Variants in PCDHGB1 observed in about 807,000 individuals in gnomAD.
PCDHGB1 encodes protocadherin gamma subfamily B, 1, also known as protocadherin gamma-B1.
Under a neutral mutation model 56.6 loss-of-function variants are expected in PCDHGB1, and 34 were observed. The observed-to-expected ratio is 0.60, with a 90% confidence interval of 0.46 to 0.80. PCDHGB1 has a LOEUF of 0.80. Ranked by LOEUF, PCDHGB1 falls within the 30% of genes least tolerant of loss-of-function variation. The pLI, the probability that PCDHGB1 is intolerant of heterozygous loss-of-function variation, is 0.00. For missense variants in PCDHGB1, 1,278 were observed against 1,204.6 expected (o/e 1.06, Z -0.90); for synonymous variants, 561 against 505.9 (o/e 1.11, Z -1.46).
intron 1 of PCDHGB1, among the ~76,000 whole-genome samples, chr5:141,481,293 TC>T (rs2099535148): frequency 6.6e-6 from 1 of 152,174 alleles, no homozygotes; most frequent in South Asian, 2.1e-4. Context: ...ATTTCAGTCA[TC>T]TAAGGGAAAA....
intron 1 of PCDHGB1, chr5:141,389,406 G>A (rs1235613335): frequency 1.9e-6 from 3 of 1,613,632 alleles, no homozygotes; most frequent in South Asian, 2.2e-5. Flanking sequence ...CATAAGCGCG[G>A]AGAGCGGGGT....
chr5:141,491,407 G>A lies in PCDHGB1; in HGVS notation c.2410-3400G>A. ...GAAGTGCCTTCAGGGAAACGCAGAC[G>A]GGGACGGGGGTGGAGGGCAGTGCTG... is the stretch of plus-strand genomic sequence containing the variant. On this transcript the variant is annotated intron_variant, in intron 1 of 3. Transcript: ENST00000523390. The surrounding 1 kb of genome is among the most constrained non-coding windows in gnomAD (Gnocchi z 6.9). The A allele has an allele frequency of 6.2e-7, 1 of 1,614,116 alleles. No individual in the cohort carries two copies. The highest frequency in any genetic ancestry group is 8.5e-7 in the Non-Finnish European group (1 of 1,180,000).
In PCDHGB1 at chr5:141,410,160, C is replaced by T. The variant is rs767993789; in HGVS notation, c.2409+57491C>T. ...GCTGTGCGTGACGGTGGACAGCCGC[C>T]ACTCTCTGCCACCGCCACGCTTCAT... On this transcript the variant is annotated intron_variant, in intron 1 of 3. Transcript: ENST00000523390. 100 of 1,613,580 alleles carry T rather than the reference C, an allele frequency of 6.2e-5. No individual in the cohort carries two copies. In the Middle Eastern group the frequency reaches 2.1e-3, roughly 34 times the overall value.
At chr5:141,429,196 A>T (rs2097195436) in intron 1 of PCDHGB1, 2 of 151,994 alleles carry the variant, frequency 1.3e-5, no homozygotes, top group African/African-American at 4.8e-5. Context: ...ACACACACAC[A>T]CACACACACG....
chr5:141,392,791 G>T, intron 1 of PCDHGB1: 1 of 1,557,836 alleles, frequency 6.4e-7, no homozygotes, highest in Non-Finnish European at 8.7e-7. Flanking sequence ...AAGATTCTGA[G>T]AGGATTCTGC....
chr5:141,427,546 C>T (rs779995777), intron 1 of PCDHGB1: 1 of 639,564 alleles, frequency 1.6e-6, no homozygotes, highest in South Asian at 1.5e-5. Context: ...GTCACCATCA[C>T]TGCCACTGAC....
intron 2 of PCDHGB1, among the ~76,000 whole-genome samples, chr5:141,500,231 C>T (rs992215482): frequency 1.4e-5 from 2 of 138,098 alleles, no homozygotes; most frequent in East Asian, 4.1e-4. Context: ...TTTATTGATA[C>T]GTAGCCTTGC....
At chr5:141,510,509 C>G (rs146315792) in intron 3 of PCDHGB1, among the ~76,000 whole-genome samples, 13 of 152,204 alleles carry the variant, frequency 8.5e-5, no homozygotes, top group Non-Finnish European at 1.6e-4. Flanking sequence ...ACTGAGAGCC[C>G]GTGTCACAGC....
At chr5:141,366,940 C>G in intron 1 of PCDHGB1, 1 of 819,904 alleles carries the variant, frequency 1.2e-6, no homozygotes, top group East Asian at 2.8e-5. Context: ...GGAAGTCTAG[C>G]TGATATCTGT....
In PCDHGB1 at chr5:141,351,865, C is replaced by T; in HGVS notation, c.1605C>T (p.Ser535=). ...ELTLQARDQG[S]PALSANVSLR... ...CACTGCAGGCCAGGGACCAGGGCTC[C>T]CCCGCGCTCAGCGCCAACGTGAGCC... Residue 535 remains serine, a synonymous_variant, in exon 1 of 4, where the codon TCC becomes TCT. Coordinates refer to ENST00000523390, the MANE Select transcript of PCDHGB1 (RefSeq NM_018922.3). 1.9e-6 allele frequency: 3 copies of T among 1,613,246 alleles called. No individual in the cohort carries two copies. The highest frequency in any genetic ancestry group is 1.7e-6 in the Non-Finnish European group (2 of 1,179,732).
intron 1 of PCDHGB1, chr5:141,413,526 G>T: frequency 6.2e-7 from 1 of 1,613,936 alleles, no homozygotes; most frequent in Non-Finnish European, 8.5e-7. Context: ...TGGAAGACAG[G>T]GTGAAACTTT....
intron 1 of PCDHGB1, 67 bp downstream of exon 1, chr5:141,352,736 T>A (rs1456095842): frequency 1.3e-6 from 2 of 1,493,896 alleles, no homozygotes; most frequent in Non-Finnish European, 1.8e-6. Flanking sequence ...AAGCCTGTAA[T>A]CCCAGCACTT....
At position 141,357,422 on chromosome 5, in the gene PCDHGB1, T is replaced by A. The variant is rs1277142896; in HGVS notation, c.2409+4753T>A. 1.9e-6 allele frequency: 3 copies of A among 1,614,254 alleles called. No individual in the cohort carries two copies. The African/African-American group carries it at 4.0e-5, about 22-fold the overall frequency. On this transcript the variant is annotated intron_variant, in intron 1 of 3. Coordinates refer to ENST00000523390, the MANE Select transcript of PCDHGB1 (RefSeq NM_018922.3). ...GCAGGTGTGCCTGCCTCGCACTTTG[T>A]GGGCGTGGACGGGGTTCGGGCTTTC...
Position 141,419,699 on chromosome 5 carries a change from C to G in PCDHGB1, c.2409+67030C>G, listed in dbSNP as rs1488905080. ...CTACCACGTGGTGCAGGCCAGTGAG[C>G]CCGGGCTCTTCAGCCTGGGGCTGCG... On this transcript the variant is annotated intron_variant, in intron 1 of 3. Coordinates refer to ENST00000523390, the MANE Select transcript of PCDHGB1 (RefSeq NM_018922.3). The G allele has an allele frequency of 5.6e-6, 9 of 1,612,806 alleles. No homozygotes were observed. The East Asian group carries it at 1.8e-4, about 32-fold the overall frequency.
chr5:141,357,639 T>C (rs1416163198), intron 1 of PCDHGB1: 1 of 1,612,114 alleles, frequency 6.2e-7, no homozygotes, highest in Non-Finnish European at 8.5e-7. Flanking sequence ...AATCTTATAA[T>C]AGATCATACC....
chr5:141,421,231 G>T (rs1368484504), intron 1 of PCDHGB1: 1 of 1,590,694 alleles, frequency 6.3e-7, no homozygotes, highest in South Asian at 1.1e-5. Context: ...GCCTGCCATG[G>T]CGAATCGGCT....
At chr5:141,383,961 C>T (rs768963435) in intron 1 of PCDHGB1, 31 of 1,613,238 alleles carry the variant, frequency 1.9e-5, no homozygotes, top group Non-Finnish European at 2.6e-5. Context: ...CTTTAAGTAG[C>T]TCAATCCCTG....
intron 1 of PCDHGB1, chr5:141,375,104 A>G (rs762208267): frequency 6.2e-7 from 1 of 1,613,956 alleles, no homozygotes; most frequent in Non-Finnish European, 8.5e-7. Context: ...CTTGGATGTC[A>G]ATGATAATGT....
At chr5:141,364,826 T>C in intron 1 of PCDHGB1, 1 of 1,613,980 alleles carries the variant, frequency 6.2e-7, no homozygotes, top group Non-Finnish European at 8.5e-7. Flanking sequence ...GGGTGTGAAC[T>C]CTCTCCGGAG....
Sources: gnomAD v4.1 joint callset for allele counts (sites outside exome capture counted in the v4.1 genomes callset) on GRCh38, gnomAD v4.1.1 for gene constraint, Gnocchi (gnomAD v3.1) non-coding constraint, MANE v1.5 for transcripts, NCBI Gene and HGNC (gene_info 2026-07-23, HGNC 2026-07-21) for gene names.